Variants in SPTBN4 observed in about 807,000 individuals in gnomAD.
SPTBN4 encodes the protein spectrin beta chain, non-erythrocytic 4.
Under a neutral mutation model 277.8 loss-of-function variants are expected in SPTBN4, and 96 were observed. The ratio of observed to expected loss-of-function variants is 0.35; its 90% confidence interval spans 0.29 to 0.41. The LOEUF (loss-of-function observed/expected upper bound fraction) is 0.41. SPTBN4 is among the 10% of genes least tolerant of loss of function. SPTBN4 has a pLI of 1.00. For synonymous variants in SPTBN4, 1,481 were observed against 1,580.3 expected (o/e 0.94, Z 1.49); for missense variants, 3,006 against 3,595.7 (o/e 0.84, Z 4.19).
intron 27 of SPTBN4, among the ~76,000 whole-genome samples, chr19:40,562,529 C>CAAA (rs35366889): frequency 1.6e-4 from 9 of 55,722 alleles, no homozygotes; most frequent in African/African-American, 3.8e-4. Flanking sequence ...GACTCTGTGT[C>CAAA]AAAAAAAAAA....
intron 2 of SPTBN4, among the ~76,000 whole-genome samples, chr19:40,478,137 G>A (rs1275513449): frequency 6.6e-6 from 1 of 152,082 alleles, no homozygotes; most frequent in Non-Finnish European, 1.5e-5. Flanking sequence ...ACTGAGCCTG[G>A]CAGAAGCCAG....
rs376321398 is a variant in SPTBN4, at chr19:40,497,499, G to C, written c.679G>C (p.Val227Leu). The change falls in exon 7 of 36, where the codon GTG becomes CTG. Residue 227 changes from valine (V) to leucine (L), a missense_variant. By Grantham distance (32) the Val-to-Leu change is conservative. Coordinates refer to ENST00000598249, the MANE Select transcript of SPTBN4 (RefSeq NM_020971.3). ...TGTGCCCCTGCCCAGGCCTGATCTC[G>C]TGGACTTCAGCAAACTCACCAAGTC... ...ALIHRHRPDL[V>L]DFSKLTKSNA... 21 of 1,613,662 alleles carry C rather than the reference G, an allele frequency of 1.3e-5. No homozygotes were observed. Among genetic ancestry groups the C allele is most frequent in the South Asian group, 4.4e-5 (4 of 91,074 alleles).
intron 2 of SPTBN4, among the ~76,000 whole-genome samples, chr19:40,473,087 C>T (rs897598820): frequency 2.0e-5 from 3 of 151,942 alleles, no homozygotes. Context: ...TATTCTGTTG[C>T]CCCGGCTGGG....
At chr19:40,526,545 AG>A (rs1163912189) in intron 17 of SPTBN4, among the ~76,000 whole-genome samples, 3 of 152,076 alleles carry the variant, frequency 2.0e-5, no homozygotes, top group African/African-American at 7.2e-5. Flanking sequence ...AGTCATGGCC[AG>A]GAAGTGCCAC....
chr19:40,483,698 G>A (rs1015773420), intron 2 of SPTBN4, among the ~76,000 whole-genome samples: 2 of 152,060 alleles, frequency 1.3e-5, no homozygotes, highest in Non-Finnish European at 2.9e-5. Flanking sequence ...CTAAATTGAG[G>A]ATTTATTCCT....
At position 40,523,534 on chromosome 19, in the gene SPTBN4, G is replaced by A. The variant is rs1273998674; in HGVS notation, c.3752G>A (p.Ser1251Asn). Residue 1251 changes from serine to asparagine, a missense_variant, in exon 17 of 36, where the codon AGC becomes AAC. Physicochemically the swap from Ser to Asn is conservative, Grantham distance 46. Around this residue, in one of 5 missense-constraint regions of SPTBN4, gnomAD observed 1,759 missense variants for 2,061.5 expected, o/e 0.85. Transcript: ENST00000598249. ...GACTTTCTCACCACCATGGAGCTGA[G>A]CCAGCAAAAGATGCAGGTGGCCGTG... ...HRDFLTTMEL[S>N]QQKMQVAVQA... 2.2e-5 allele frequency: 36 copies of A among 1,614,092 alleles called. No individual in the cohort carries two copies. The highest frequency in any genetic ancestry group is 2.9e-5 in the Non-Finnish European group (34 of 1,180,052).
chr19:40,512,534 G>T (rs2080402052), intron 13 of SPTBN4, 72 bp from the exon 14 acceptor site: 1 of 1,434,866 alleles, frequency 7.0e-7, no homozygotes, highest in Non-Finnish European at 9.1e-7. Flanking sequence ...AGGGTAGGTA[G>T]CCCGCACCAT....
intron 20 of SPTBN4, among the ~76,000 whole-genome samples, chr19:40,542,780 C>T (rs1329346079): frequency 6.6e-6 from 1 of 151,876 alleles, no homozygotes; most frequent in Admixed American, 6.6e-5. Context: ...CAAGGGACCC[C>T]ATCCTTTCTT....
In SPTBN4 at chr19:40,534,169, G is replaced by A. The variant is rs1386557783; in HGVS notation, c.4185G>A (p.Leu1395=). 1 of 1,613,536 alleles carries A rather than the reference G, an allele frequency of 6.2e-7. No individual in the cohort carries two copies. The highest frequency in any genetic ancestry group is 8.5e-7 in the Non-Finnish European group (1 of 1,179,802). The part of the protein sequence containing the change: ...LGEIRQCWAE[L]ESTTQAKARQ... ...AGATCCGCCAGTGCTGGGCGGAGCT[G>A]GAGAGCACCACCCAGGCCAAGGCAC... Residue 1395 remains leucine (L), a synonymous_variant, in exon 20 of 36, where the codon CTG becomes CTA. Coordinates refer to ENST00000598249, the MANE Select transcript of SPTBN4 (RefSeq NM_020971.3).
chr19:40,511,405 C>G (rs1277058129), intron 13 of SPTBN4, among the ~76,000 whole-genome samples: 1 of 152,164 alleles, frequency 6.6e-6, no homozygotes, highest in African/African-American at 2.4e-5. Flanking sequence ...GAGACTCTGT[C>G]TCAATCAAAC....
In SPTBN4 at chr19:40,502,643, G is replaced by A. The variant is rs1199101191; in HGVS notation, c.1204-132G>A. 6 of 1,462,296 alleles carry A rather than the reference G, an allele frequency of 4.1e-6. No homozygotes were observed. Among genetic ancestry groups the A allele is most frequent in the Non-Finnish European group, 5.5e-6 (6 of 1,083,100 alleles). 90.6% of individuals were successfully genotyped at this position (1,462,296 alleles called of 1,614,324 possible). On this transcript the variant is annotated intron_variant, in intron 10 of 35. Transcript: ENST00000598249. The surrounding 1 kb of genome is among the most constrained non-coding windows in gnomAD (Gnocchi z 4.9). Reference sequence around the variant, plus strand: ...TCTGACAGTTTTTCAGTAGTAAAGTGTCATAAGGAAGCAATATTTTTTCCA... The same window carrying A: ...TCTGACAGTTTTTCAGTAGTAAAGTATCATAAGGAAGCAATATTTTTTCCA...
Position 40,512,924 on chromosome 19 carries a change from G to A in SPTBN4, c.2135G>A (p.Arg712Gln), listed in dbSNP as rs1345479641. 7.0e-7 allele frequency: 1 copy of A among 1,425,714 alleles called. No individual in the cohort carries two copies. Among genetic ancestry groups the A allele is most frequent in the South Asian group, 1.4e-5 (1 of 69,110 alleles). The allele number at this position is 1,425,714 out of a possible 1,614,324, so 88.3% of individuals were successfully genotyped here. The stretch of plus-strand genomic sequence containing the variant: ...CTGCAGGGCGAGCTGGGCGGGCGGC[G>A]AGCGTTGCTGCAGCAGGCCCTGCGG... ...KILQGELGGR[R>Q]ALLQQALRCG... is the part of the protein sequence containing the mutation. Residue 712 changes from arginine to glutamine, a missense_variant, in exon 14 of 36, where the codon CGA becomes CAA. Physicochemically the swap from Arg to Gln is conservative, Grantham distance 43 (BLOSUM62 1). Around this residue, in one of 5 missense-constraint regions of SPTBN4, gnomAD observed 1,759 missense variants for 2,061.5 expected, o/e 0.85. Transcript: ENST00000598249.
Position 40,534,176 on chromosome 19 carries a change from A to T in SPTBN4, c.4192A>T (p.Thr1398Ser), listed in dbSNP as rs2080709732. Residue 1398 changes from threonine to serine, a missense_variant, in exon 20 of 36, where the codon ACC becomes TCC. Around this residue, in one of 5 missense-constraint regions of SPTBN4, gnomAD observed 1,759 missense variants for 2,061.5 expected, o/e 0.85. Coordinates refer to ENST00000598249, the MANE Select transcript of SPTBN4 (RefSeq NM_020971.3). ...CCAGTGCTGGGCGGAGCTGGAGAGC[A>T]CCACCCAGGCCAAGGCACGGCAGCT... is the stretch of plus-strand genomic sequence containing the variant. ...IRQCWAELES[T>S]TQAKARQLFE... 1 of 1,613,856 alleles carries T rather than the reference A, an allele frequency of 6.2e-7. No homozygotes were observed.
intron 7 of SPTBN4, among the ~76,000 whole-genome samples, chr19:40,498,596 G>A (rs962584061): frequency 2.0e-5 from 3 of 151,280 alleles, no homozygotes; most frequent in African/African-American, 4.9e-5. Context: ...TAGTAGAGAC[G>A]GGGTTTCACC....
Position 40,513,514 on chromosome 19 carries a change from G to A in SPTBN4, c.2725G>A (p.Val909Met). The change falls in exon 14 of 36, where the codon GTG becomes ATG. Residue 909 changes from valine to methionine, a missense_variant. Val to Met is a conservative substitution (Grantham distance 21). Coordinates refer to ENST00000598249, the MANE Select transcript of SPTBN4 (RefSeq NM_020971.3). Reference protein sequence around the residue: ...EKEQWLLSMRVPDSLDDVEVV... With the variant: ...EKEQWLLSMRMPDSLDDVEVV... ...GGAGCAATGGCTGCTCTCCATGCGT[G>A]TGCCGGATTCACTCGACGACGTCGA... 2 of 1,595,696 alleles carry A rather than the reference G, an allele frequency of 1.3e-6. No individual in the cohort carries two copies. The highest frequency in any genetic ancestry group is 1.7e-6 in the Non-Finnish European group (2 of 1,176,166).
chr19:40,569,894 TAGAA>T (rs1166964084), intron 32 of SPTBN4, among the ~76,000 whole-genome samples, 168 bp downstream of exon 32: 2 of 148,262 alleles, frequency 1.3e-5, no homozygotes, highest in Non-Finnish European at 3.0e-5. Flanking sequence ...ATGTCCCCCT[TAGAA>T]AGACGGGGCA....
intron 5 of SPTBN4, 65 bp from the exon 6 acceptor site, chr19:40,494,832 T>G: frequency 4.1e-6 from 6 of 1,455,640 alleles, no homozygotes; most frequent in Non-Finnish European, 4.8e-6. Context: ...CCCTCTGTCT[T>G]TTTCCCCTTT....
At position 40,487,759 on chromosome 19, in the gene SPTBN4, G is replaced by C. The variant is rs1195664100; in HGVS notation, c.232G>C (p.Val78Leu). 2 of 1,613,508 alleles carry C rather than the reference G, an allele frequency of 1.2e-6. No individual in the cohort carries two copies. The change falls in exon 3 of 36, where the codon GTG (valine) becomes CTG (leucine). Residue 78 changes from valine to leucine, a missense_variant. Physicochemically the swap from Val to Leu is conservative, Grantham distance 32 (BLOSUM62 1). Coordinates refer to ENST00000598249, the MANE Select transcript of SPTBN4 (RefSeq NM_020971.3). ...GTGGGTGAACTCGCACCTCGCCCGC[G>C]TGGGCTGCCACATCGGGGACCTCTA... ...TKWVNSHLAR[V>L]GCHIGDLYVD...
chr19:40,528,109 G>A (rs991867894), intron 17 of SPTBN4, among the ~76,000 whole-genome samples: 12 of 151,168 alleles, frequency 7.9e-5, no homozygotes, highest in African/African-American at 2.7e-4. Flanking sequence ...GACCCTGGGA[G>A]GATCTCTAAG....
Sources: gnomAD v4.1 joint callset for allele counts (sites outside exome capture counted in the v4.1 genomes callset) on GRCh38, gnomAD v4.1.1 for gene constraint, gnomAD v4.1.1 regional missense constraint, Gnocchi (gnomAD v3.1) non-coding constraint, MANE v1.5 for transcripts, NCBI Gene and HGNC (gene_info 2026-07-23, HGNC 2026-07-21) for gene names.